ZC3H12C: variants seen among roughly 807,000 people sequenced by gnomAD.
ZC3H12C encodes the protein probable ribonuclease ZC3H12C.
Under a neutral mutation model 76.3 loss-of-function variants are expected in ZC3H12C, and 20 were observed. The observed-to-expected ratio is 0.26, with a 90% CI of 0.18 to 0.38. The LOEUF (loss-of-function observed/expected upper bound fraction) is 0.38. Ranked by LOEUF, ZC3H12C falls within the 10% of genes least tolerant of loss-of-function variation. ZC3H12C has a pLI of 1.00. For synonymous variants in ZC3H12C, 352 were observed against 399.6 expected (o/e 0.88, Z 1.42); for missense variants, 874 against 1,086.5 (o/e 0.80, Z 2.75).
chr11:110,110,763 C>T (rs1281927854), intron 1 of ZC3H12C, among the ~76,000 whole-genome samples: 1 of 152,010 alleles, frequency 6.6e-6, no homozygotes, highest in Non-Finnish European at 1.5e-5. Flanking sequence ...CTTTCAGACC[C>T]CTCTTTGGAA....
In ZC3H12C at chr11:110,166,055, T is replaced by C. The variant is rs1003946258; in HGVS notation, c.*318T>C. The C allele has an allele frequency of 4.1e-6, 1 of 246,094 alleles. No individual in the cohort carries two copies. The highest frequency in any genetic ancestry group is 7.8e-6 in the Non-Finnish European group (1 of 128,182). 15.2% of individuals were successfully genotyped at this position (246,094 alleles called of 1,614,324 possible). ...ATCTTTGGTGCATCAGGGGTTTATA[T>C]GCAGCACTTTTTATCCTTGTTTTGT... On this transcript the variant is annotated 3_prime_UTR_variant, in exon 6 of 6. Transcript: ENST00000278590.
intron 2 of ZC3H12C, among the ~76,000 whole-genome samples, chr11:110,139,115 A>G (rs1330406607): frequency 6.6e-6 from 1 of 152,208 alleles, no homozygotes; most frequent in African/African-American, 2.4e-5. Flanking sequence ...TCTGTAGGTG[A>G]CAGCAAGTTC....
At chr11:110,104,245 G>A (rs1245909129) in intron 1 of ZC3H12C, among the ~76,000 whole-genome samples, 1 of 151,994 alleles carries the variant, frequency 6.6e-6, no homozygotes, top group South Asian at 2.1e-4. Flanking sequence ...TTTTAGTAGA[G>A]ACGAGGTTTT....
At chr11:110,151,168 A>G (rs1862265610) in intron 2 of ZC3H12C, among the ~76,000 whole-genome samples, 1 of 152,178 alleles carries the variant, frequency 6.6e-6, no homozygotes, top group South Asian at 2.1e-4. Flanking sequence ...TCATCTATGG[A>G]ATCTTTATCC....
intron 1 of ZC3H12C, chr11:110,136,436 A>ATTTAC: frequency 2.0e-6 from 1 of 509,910 alleles, no homozygotes; most frequent in Non-Finnish European, 3.4e-6. Flanking sequence ...TCTACTACTT[A>ATTTAC]TTTACTTTGT....
At chr11:110,115,536 C>G (rs1861509786) in intron 1 of ZC3H12C, among the ~76,000 whole-genome samples, 1 of 152,042 alleles carries the variant, frequency 6.6e-6, no homozygotes, top group Non-Finnish European at 1.5e-5. Context: ...CTCCTGACCT[C>G]AAGTGATGCA....
chr11:110,154,048 A>G (rs1862326503), intron 3 of ZC3H12C, among the ~76,000 whole-genome samples: 1 of 152,226 alleles, frequency 6.6e-6, no homozygotes, highest in Admixed American at 6.5e-5. Context: ...TAAAGAGACC[A>G]TCTACTATAT....
chr11:110,159,379 C>T lies in ZC3H12C; in HGVS notation c.1037C>T (p.Ser346Leu), dbSNP rs770133684. The change falls in exon 4 of 6, where the codon TCG becomes TTG. Residue 346 changes from serine (S) to leucine (L), a missense_variant. By Grantham distance (145) the Ser-to-Leu change is moderately radical. Around this residue, in one of 3 missense-constraint regions of ZC3H12C, gnomAD observed 269 missense variants for 424.9 expected, o/e 0.63. Transcript: ENST00000278590. The stretch of plus-strand genomic sequence containing the variant: ...TTCATCGTGAAGCTGGCTTTTGAGT[C>T]GGACGGTATCATTGTGTCCAATGAT... The part of the protein sequence containing the change: ...DRFIVKLAFE[S>L]DGIIVSNDNY... The T allele has an allele frequency of 1.1e-5, 18 of 1,613,812 alleles. No homozygotes were observed. Among genetic ancestry groups the T allele is most frequent in the Non-Finnish European group, 7.6e-6 (9 of 1,179,978 alleles).
At chr11:110,115,052 A>T (rs1170399665) in intron 1 of ZC3H12C, among the ~76,000 whole-genome samples, 1 of 152,040 alleles carries the variant, frequency 6.6e-6, no homozygotes, top group Admixed American at 6.5e-5. Flanking sequence ...ACTATCCACC[A>T]TCTATATTGT....
chr11:110,120,414 G>T (rs1387969832), intron 1 of ZC3H12C, among the ~76,000 whole-genome samples: 1 of 152,082 alleles, frequency 6.6e-6, no homozygotes, highest in Non-Finnish European at 1.5e-5. Context: ...ACACTGGACA[G>T]CATTTTGGCT....
At chr11:110,107,749 C>G (rs1861357476) in intron 1 of ZC3H12C, among the ~76,000 whole-genome samples, 1 of 152,130 alleles carries the variant, frequency 6.6e-6, no homozygotes, top group Non-Finnish European at 1.5e-5. Flanking sequence ...TGGTCTCAAA[C>G]TCCTGACCTC....
At chr11:110,133,127 T>C (rs1448029134) in intron 1 of ZC3H12C, among the ~76,000 whole-genome samples, 1 of 152,178 alleles carries the variant, frequency 6.6e-6, no homozygotes, top group Non-Finnish European at 1.5e-5. Context: ...TTTCAAGATA[T>C]TGCCAAATTC....
chr11:110,152,044 A>G (rs1862280966), intron 2 of ZC3H12C, among the ~76,000 whole-genome samples: 1 of 152,242 alleles, frequency 6.6e-6, no homozygotes. Context: ...TCCGTTATAG[A>G]TAACAAATGG....
chr11:110,153,170 G>A, intron 3 of ZC3H12C, 112 bp downstream of exon 3: 1 of 1,298,580 alleles, frequency 7.7e-7, no homozygotes, highest in Non-Finnish European at 1.0e-6. Context: ...GCAGGCAGTG[G>A]GACACAAACG....
intron 4 of ZC3H12C, among the ~76,000 whole-genome samples, chr11:110,162,117 A>G (rs1862492683): frequency 6.6e-6 from 1 of 152,150 alleles, no homozygotes; most frequent in Admixed American, 6.5e-5. Flanking sequence ...GCCTGGGTGA[A>G]ACAGCAAAAC....
At chr11:110,157,406 C>G (rs1862398112) in intron 3 of ZC3H12C, among the ~76,000 whole-genome samples, 1 of 146,456 alleles carries the variant, frequency 6.8e-6, no homozygotes, top group Non-Finnish European at 1.5e-5. Context: ...AGCCACATTT[C>G]TTCCACTCAT....
chr11:110,166,036 G>A lies in ZC3H12C; in HGVS notation c.*299G>A. ...TCTGTGATCTTTGATATTAATCTTT[G>A]GTGCATCAGGGGTTTATATGCAGCA... is the stretch of plus-strand genomic sequence containing the variant. On this transcript the variant is annotated 3_prime_UTR_variant, in exon 6 of 6. Coordinates refer to ENST00000278590, the MANE Select transcript of ZC3H12C (RefSeq NM_033390.2). 1 of 299,046 alleles carries A rather than the reference G, an allele frequency of 3.3e-6. No homozygotes were observed. The highest frequency in any genetic ancestry group is 6.2e-6 in the Non-Finnish European group (1 of 161,380). The allele number at this position is 299,046 out of a possible 1,614,324, so 18.5% of individuals were successfully genotyped here. A position where few individuals can be genotyped will look rare whatever the true frequency, so the allele number is the denominator to read the frequency against.
Position 110,159,249 on chromosome 11 carries a change from C to A in ZC3H12C, c.914-7C>A. 1 of 1,598,858 alleles carries A rather than the reference C, an allele frequency of 6.3e-7. No homozygotes were observed. Among genetic ancestry groups the A allele is most frequent in the Non-Finnish European group, 8.5e-7 (1 of 1,171,538 alleles). The stretch of plus-strand genomic sequence containing the variant: ...TTTCTGCCATCCTACCGTCATTATT[C>A]TTGCAGATCAGGAAATTTTACGTAA... On this transcript the variant is annotated splice_region_variant and splice_polypyrimidine_tract_variant and intron_variant, in intron 3 of 5. Coordinates refer to ENST00000278590, the MANE Select transcript of ZC3H12C (RefSeq NM_033390.2).
intron 1 of ZC3H12C, among the ~76,000 whole-genome samples, chr11:110,101,857 A>G (rs1861222874): frequency 1.3e-5 from 2 of 152,086 alleles, no homozygotes; most frequent in Admixed American, 6.5e-5. Context: ...GCCCAATGCT[A>G]TTAATTAAAT....
Sources: allele counts gnomAD v4.1 joint callset (sites outside exome capture counted in the v4.1 genomes callset), GRCh38; gene constraint gnomAD v4.1.1; regional missense constraint gnomAD v4.1.1; transcripts MANE v1.5; gene names NCBI Gene and HGNC (gene_info 2026-07-23, HGNC 2026-07-21).